Variants in NRXN3 observed in about 807,000 individuals in gnomAD.
NRXN3 encodes the protein neurexin 3.
A neutral mutation model predicts 137.6 loss-of-function variants in NRXN3; 32 were observed. The ratio of observed to expected loss-of-function variants is 0.23; its 90% confidence interval spans 0.18 to 0.31. The LOEUF (loss-of-function observed/expected upper bound fraction) is 0.31, where lower values mean the gene tolerates loss of function less well. NRXN3 is among the 10% of genes least tolerant of loss of function. NRXN3 has a pLI of 1.00. For synonymous variants in NRXN3, 798 were observed against 784.5 expected, an observed-to-expected ratio of 1.02 and a Z score of -0.29; for missense variants, 1,574 against 2,062.5, an observed-to-expected ratio of 0.76 and a Z score of 4.59.
intron 15 of NRXN3, among the ~76,000 whole-genome samples, chr14:79,229,742 C>T (rs1443172256): frequency 1.3e-5 from 2 of 152,064 alleles, no homozygotes; most frequent in Non-Finnish European, 2.9e-5. Context: ...GCCAGCTGTC[C>T]GTCTTGTCCT....
intron 16 of NRXN3, among the ~76,000 whole-genome samples, chr14:79,573,820 G>A (rs2097638105): frequency 6.6e-6 from 1 of 151,978 alleles, no homozygotes; most frequent in South Asian, 2.1e-4. Flanking sequence ...CAGCTTGAAG[G>A]CCAGGCTGAG....
intron 20 of NRXN3, among the ~76,000 whole-genome samples, chr14:79,858,351 C>G (rs10483935): frequency 0.23 from 34,821 of 152,018 alleles, 5,131 homozygotes; most frequent in Admixed American, 0.4. Context: ...TTGGGTGTCA[C>G]AGATGGTACA....
intron 19 of NRXN3, among the ~76,000 whole-genome samples, chr14:79,757,984 C>A (rs2099025496): frequency 1.3e-5 from 2 of 152,108 alleles, no homozygotes; most frequent in South Asian, 4.1e-4. Context: ...TTTTTCCCCT[C>A]CAATAAATAT....
intron 4 of NRXN3, among the ~76,000 whole-genome samples, chr14:78,597,133 A>G (rs887933745): frequency 2.0e-5 from 3 of 152,226 alleles, no homozygotes; most frequent in African/African-American, 7.2e-5. Context: ...CCAGGCCAGC[A>G]TACTGCTGGA....
At chr14:78,233,266 A>C (rs1325883933) in intron 1 of NRXN3, among the ~76,000 whole-genome samples, 1 of 152,176 alleles carries the variant, frequency 6.6e-6, no homozygotes, top group Non-Finnish European at 1.5e-5. Context: ...AGGTATCCAT[A>C]TGGTTGCTTG....
chr14:78,622,743 A>G (rs991410397), intron 4 of NRXN3, among the ~76,000 whole-genome samples: 2 of 152,248 alleles, frequency 1.3e-5, no homozygotes, highest in Admixed American at 6.5e-5. Flanking sequence ...ACACAAAACC[A>G]TTTGTTGGCA....
intron 6 of NRXN3, among the ~76,000 whole-genome samples, chr14:78,658,872 T>A (rs1272879045): frequency 2.6e-5 from 4 of 151,658 alleles, no homozygotes; most frequent in Non-Finnish European, 5.9e-5. Context: ...GAAATAAGAG[T>A]TGAGCAAGGT....
chr14:79,297,817 A>G (rs892500577), intron 15 of NRXN3, among the ~76,000 whole-genome samples: 1 of 152,126 alleles, frequency 6.6e-6, no homozygotes, highest in African/African-American at 2.4e-5. Context: ...GCCATTTCAA[A>G]TTATTAGTGA....
At chr14:79,529,533 A>C (rs538000771) in intron 16 of NRXN3, among the ~76,000 whole-genome samples, 41 of 152,366 alleles carry the variant, frequency 2.7e-4, no homozygotes, top group African/African-American at 8.9e-4. Flanking sequence ...TATGTGAGAA[A>C]AGAGAAAATA....
chr14:79,778,513 G>T (rs749739594), intron 19 of NRXN3, among the ~76,000 whole-genome samples: 1 of 152,124 alleles, frequency 6.6e-6, no homozygotes, highest in African/African-American at 2.4e-5. Context: ...GACTATCAGG[G>T]AATAAACTAG....
chr14:79,179,851 C>T (rs894313344), intron 15 of NRXN3, among the ~76,000 whole-genome samples: 11 of 152,182 alleles, frequency 7.2e-5, no homozygotes, highest in Middle Eastern at 3.2e-3. Context: ...AGATCCTGCA[C>T]GGATAATTCC....
At chr14:79,018,526 CT>C (rs1289509451) in intron 15 of NRXN3, among the ~76,000 whole-genome samples, 1 of 152,026 alleles carries the variant, frequency 6.6e-6, no homozygotes, top group Non-Finnish European at 1.5e-5. Context: ...CCATTATGAT[CT>C]TTTTATTCTC....
rs1398307315 is a variant in NRXN3 at position 79,405,575 on chromosome 14, A to G, written c.3263-61646A>G. 3.9e-5 allele frequency among the ~76,000 whole-genome samples: 6 copies of G among 152,308 alleles called. No homozygotes were observed. In the East Asian group the frequency reaches 9.7e-4, roughly 25 times the overall value. On this transcript the variant is annotated intron_variant, in intron 15 of 20. Transcript: ENST00000335750. ...GGCTGAGAGACTGATACCACAGTCA[A>G]TCCCTCTGGAACCCACCAGGAAGAG...
intron 15 of NRXN3, among the ~76,000 whole-genome samples, chr14:79,341,237 C>G (rs1320639382): frequency 6.6e-6 from 1 of 152,150 alleles, no homozygotes; most frequent in Admixed American, 6.5e-5. Flanking sequence ...CGGTGGAGCT[C>G]TTCACTGCTT....
At chr14:79,394,456 G>T (rs893358067) in intron 15 of NRXN3, among the ~76,000 whole-genome samples, 1 of 152,172 alleles carries the variant, frequency 6.6e-6, no homozygotes, top group Non-Finnish European at 1.5e-5. Flanking sequence ...GCTAGGAATG[G>T]TAGACTAGCG....
At position 79,539,736 on chromosome 14, in the gene NRXN3, CAAAAAT is replaced by C. The variant is rs539569896; in HGVS notation, c.3444+72338_3444+72343del. On this transcript the variant is annotated intron_variant, in intron 16 of 20. Transcript: ENST00000335750. ...CTCATTATAATTGTGTGTCTTCTGG[CAAAAAT>C]AAATAAATAACTTTCTCTTTTAAAG... is the stretch of plus-strand genomic sequence containing the variant. Among the ~76,000 whole-genome samples the C allele has an allele frequency of 2.8e-4, 43 of 152,092 alleles. 1 individual carries two copies. In the East Asian group the frequency reaches 8.3e-3, roughly 29 times the overall value.
intron 5 of NRXN3, 78 bp from the exon 6 acceptor site, chr14:78,651,087 G>A (rs2097737467): frequency 7.6e-7 from 1 of 1,312,534 alleles, no homozygotes; most frequent in Non-Finnish European, 1.1e-6. Context: ...GATGCCACAA[G>A]TAGGGGAAGC....
intron 16 of NRXN3, among the ~76,000 whole-genome samples, chr14:79,543,015 T>C (rs2097288172): frequency 6.6e-6 from 1 of 152,148 alleles, no homozygotes; most frequent in Non-Finnish European, 1.5e-5. Flanking sequence ...GCACAGGTAT[T>C]CAGTTGAAAG....
chr14:78,333,850 C>T (rs948209932), intron 4 of NRXN3, among the ~76,000 whole-genome samples: 3 of 152,112 alleles, frequency 2.0e-5, no homozygotes, highest in African/African-American at 7.2e-5. Flanking sequence ...AATAGTATCC[C>T]TCTGGCTGCA....
Sources: gnomAD v4.1 joint callset for allele counts (sites outside exome capture counted in the v4.1 genomes callset) on GRCh38, gnomAD v4.1.1 for gene constraint, MANE v1.5 for transcripts, NCBI Gene and HGNC (gene_info 2026-07-23, HGNC 2026-07-21) for gene names.